LMO7: variants seen among roughly 807,000 people sequenced by gnomAD.
LMO7 encodes LIM domain only protein 7.
In LMO7, 120 loss-of-function variants were observed where a neutral mutation model predicts 206.5. That is an observed-to-expected ratio of 0.58 (90% CI 0.50 to 0.68). The LOEUF (loss-of-function observed/expected upper bound fraction) is 0.68, where lower values mean the gene tolerates loss of function less well. LMO7 is among the 30% of genes least tolerant of loss of function. LMO7 has a pLI of 0.00. For missense variants in LMO7, 1,959 were observed against 1,957.9 expected (o/e 1.00, Z -0.01); for synonymous variants, 706 against 681.5 (o/e 1.04, Z -0.56).
chr13:75,725,276 T>C (rs1011852224), intron 2 of LMO7, among the ~76,000 whole-genome samples: 1 of 152,152 alleles, frequency 6.6e-6, no homozygotes, highest in Non-Finnish European at 1.5e-5. Context: ...AAATTTATGA[T>C]ACTCTTCCTC....
chr13:75,789,050 C>T (rs1405589631), intron 4 of LMO7: 1 of 152,228 alleles, frequency 6.6e-6, no homozygotes, highest in African/African-American at 2.4e-5. Context: ...TCCCTGTTAA[C>T]CATGGAGGCA....
At chr13:75,701,371 A>G (rs1191298065) in intron 1 of LMO7, among the ~76,000 whole-genome samples, 1 of 152,218 alleles carries the variant, frequency 6.6e-6, no homozygotes, top group East Asian at 1.9e-4. Flanking sequence ...TATGTGAAAT[A>G]AGCAGTGACT....
chr13:75,737,782 T>A (rs9565197), intron 3 of LMO7, among the ~76,000 whole-genome samples: 13,497 of 35,698 alleles, frequency 0.38, 3,063 homozygotes, highest in East Asian at 0.54. Context: ...TAAAATAAAA[T>A]AAAAAAAAAA....
At chr13:75,811,789 G>A (rs1252318232) in intron 11 of LMO7, among the ~76,000 whole-genome samples, 1 of 151,956 alleles carries the variant, frequency 6.6e-6, no homozygotes, top group Non-Finnish European at 1.5e-5. Context: ...CATGTGTTTT[G>A]GCAGAAGCAA....
chr13:75,811,349 G>A (rs924461401), intron 11 of LMO7, among the ~76,000 whole-genome samples: 1 of 151,516 alleles, frequency 6.6e-6, no homozygotes, highest in African/African-American at 2.4e-5. Context: ...CCTGCCTACC[G>A]GTGCTTTTCT....
At chr13:75,703,314 G>A (rs1461213789) in intron 1 of LMO7, among the ~76,000 whole-genome samples, 1 of 152,190 alleles carries the variant, frequency 6.6e-6, no homozygotes, top group African/African-American at 2.4e-5. Context: ...GAGAAGTTGG[G>A]TAAGAGCCTC....
exon 1 of LMO7, chr13:75,621,503 TGTTTATAGA>T: frequency 5.8e-6 from 2 of 342,322 alleles, no homozygotes; most frequent in Non-Finnish European, 1.0e-5. Context: ...TTGATAACTA[TGTTTATAGA>T]ATCTAAATCA....
chr13:75,805,417 C>T, intron 8 of LMO7, 62 bp from the exon 9 acceptor site: 1 of 1,521,008 alleles, frequency 6.6e-7, no homozygotes. Context: ...GAAAGCATGC[C>T]ATTTGTGTTC....
intron 4 of LMO7, among the ~76,000 whole-genome samples, chr13:75,784,697 T>C (rs1034585221): frequency 1.3e-5 from 2 of 152,148 alleles, no homozygotes; most frequent in African/African-American, 4.8e-5. Context: ...GAAACAAGTA[T>C]TTATGTGCTA....
chr13:75,679,748 A>G (rs2040317977), intron 1 of LMO7, among the ~76,000 whole-genome samples: 1 of 152,026 alleles, frequency 6.6e-6, no homozygotes, highest in South Asian at 2.1e-4. Flanking sequence ...CATTCAGTTA[A>G]TTTTTGTATT....
At chr13:75,705,158 C>G (rs770242684) in intron 1 of LMO7, among the ~76,000 whole-genome samples, 2 of 152,220 alleles carry the variant, frequency 1.3e-5, no homozygotes, top group Non-Finnish European at 2.9e-5. Flanking sequence ...GGGCCTCACA[C>G]TTGGCGCAGT....
intron 4 of LMO7, among the ~76,000 whole-genome samples, chr13:75,770,217 C>A (rs183788579): frequency 7.9e-5 from 12 of 151,136 alleles, no homozygotes; most frequent in African/African-American, 2.9e-4. Context: ...TGGTCCATGT[C>A]CTGGAGGAGA....
At chr13:75,621,658 G>A (rs1325339776) in exon 1 of LMO7, 2 of 1,375,618 alleles carry the variant, frequency 1.5e-6, no homozygotes, top group Admixed American at 2.0e-5. Flanking sequence ...TATGGGTACG[G>A]TCTAAAGCTA....
chr13:75,805,853 C>G, intron 9 of LMO7, 93 bp downstream of exon 9: 1 of 1,321,910 alleles, frequency 7.6e-7, no homozygotes, highest in Non-Finnish European at 1.0e-6. Flanking sequence ...ATAAGAGAGA[C>G]AGAGAAAGTC....
At chr13:75,733,624 C>G (rs977446400) in intron 3 of LMO7, among the ~76,000 whole-genome samples, 1 of 145,284 alleles carries the variant, frequency 6.9e-6, no homozygotes, top group Admixed American at 6.8e-5. Flanking sequence ...GCATCGTGCA[C>G]TGCACCCACT....
intron 1 of LMO7, among the ~76,000 whole-genome samples, chr13:75,691,673 C>G (rs1425158448): frequency 6.6e-6 from 1 of 152,216 alleles, no homozygotes; most frequent in Non-Finnish European, 1.5e-5. Flanking sequence ...CCTCTGTACC[C>G]TACATACTAC....
intron 3 of LMO7, among the ~76,000 whole-genome samples, chr13:75,756,583 T>C (rs1346577092): frequency 6.6e-6 from 1 of 152,118 alleles, no homozygotes; most frequent in Non-Finnish European, 1.5e-5. Context: ...CTTGAAGGAT[T>C]TCAGAATTTC....
chr13:75,753,783 G>A (rs1039912802), intron 3 of LMO7, among the ~76,000 whole-genome samples: 1 of 152,170 alleles, frequency 6.6e-6, no homozygotes, highest in Admixed American at 6.5e-5. Context: ...GTGGAACTGT[G>A]AGTCAATTAA....
chr13:75,717,290 G>A (rs2043625062), intron 2 of LMO7, among the ~76,000 whole-genome samples: 1 of 151,070 alleles, frequency 6.6e-6, no homozygotes, highest in African/African-American at 2.4e-5. Flanking sequence ...GTGAACCTGG[G>A]AGGCGGAGCT....
Sources: gnomAD v4.1 joint callset for allele counts (sites outside exome capture counted in the v4.1 genomes callset) on GRCh38, gnomAD v4.1.1 for gene constraint, MANE v1.5 for transcripts, NCBI Gene and HGNC (gene_info 2026-07-23, HGNC 2026-07-21) for gene names.